ZFPM2: variants seen among roughly 807,000 people sequenced by gnomAD.
ZFPM2 encodes zinc finger protein ZFPM2.
Under a neutral mutation model 98.6 loss-of-function variants are expected in ZFPM2, and 20 were observed. That is an observed-to-expected ratio of 0.20 (90% confidence interval 0.14 to 0.29). The LOEUF is 0.29. ZFPM2 is among the 10% of genes least tolerant of loss of function. ZFPM2 has a pLI of 1.00. For synonymous variants in ZFPM2, 518 were observed against 502.7 expected, an observed-to-expected ratio of 1.03 and a Z score of -0.41; for missense variants, 1,310 against 1,388.6, an observed-to-expected ratio of 0.94 and a Z score of 0.90.
At chr8:105,546,910 A>G (rs1480150602) in intron 3 of ZFPM2, among the ~76,000 whole-genome samples, 1 of 152,178 alleles carries the variant, frequency 6.6e-6, no homozygotes, top group Non-Finnish European at 1.5e-5. Flanking sequence ...AATGTCTCAT[A>G]TATTTTCTCC....
rs563358406 is a variant in ZFPM2 at position 105,444,360 on chromosome 8, A to G, written c.280A>G (p.Thr94Ala). ...GAAACCGGGGCAACCTGGAGTTGAG[A>G]CAGACGACTGGGATGGACCAGGTAG... ...SEKPGQPGVE[T>A]DDWDGPGELE... Residue 94 changes from threonine to alanine, a missense_variant, in exon 3 of 8, where the codon ACA becomes GCA. Thr to Ala is a moderately conservative substitution (Grantham distance 58). Coordinates refer to ENST00000407775, the MANE Select transcript of ZFPM2 (RefSeq NM_012082.4). 3.8e-5 allele frequency: 61 copies of G among 1,612,148 alleles called. No homozygotes were observed. In the South Asian group the frequency reaches 6.2e-4, roughly 16 times the overall value.
At chr8:105,641,505 G>T (rs907037978) in intron 5 of ZFPM2, among the ~76,000 whole-genome samples, 2 of 151,906 alleles carry the variant, frequency 1.3e-5, no homozygotes, top group Non-Finnish European at 2.9e-5. Flanking sequence ...CATTTCTAAG[G>T]GGTTCTTAAG....
intron 5 of ZFPM2, among the ~76,000 whole-genome samples, chr8:105,749,365 T>G (rs1812423922): frequency 1.3e-5 from 2 of 152,188 alleles, no homozygotes; most frequent in South Asian, 4.1e-4. Flanking sequence ...GAGAAAGATT[T>G]CTTTAAATAG....
chr8:105,576,715 A>G (rs1444962709), intron 4 of ZFPM2, among the ~76,000 whole-genome samples: 1 of 152,174 alleles, frequency 6.6e-6, no homozygotes, highest in East Asian at 1.9e-4. Context: ...AGATTTTTAT[A>G]TGGCCATTTA....
At chr8:105,553,136 A>G (rs1217560448) in intron 3 of ZFPM2, among the ~76,000 whole-genome samples, 1 of 152,060 alleles carries the variant, frequency 6.6e-6, no homozygotes, top group African/African-American at 2.4e-5. Flanking sequence ...AAAAACACTT[A>G]GAATTTTCTG....
chr8:105,359,411 TG>T (rs1812814393), intron 1 of ZFPM2, among the ~76,000 whole-genome samples: 1 of 150,124 alleles, frequency 6.7e-6, no homozygotes, highest in Non-Finnish European at 1.5e-5. Flanking sequence ...AGTCTCGCTC[TG>T]TCACCCTGGC....
At chr8:105,533,690 C>G (rs1814347353) in intron 3 of ZFPM2, among the ~76,000 whole-genome samples, 1 of 136,660 alleles carries the variant, frequency 7.3e-6, no homozygotes, top group Admixed American at 7.2e-5. Context: ...TCCCTCCGTC[C>G]TTCCCTCCCT....
intron 4 of ZFPM2, among the ~76,000 whole-genome samples, chr8:105,613,946 C>T (rs1411456801): frequency 1.3e-5 from 2 of 152,042 alleles, no homozygotes; most frequent in Admixed American, 1.3e-4. Context: ...TCCATCTTCA[C>T]CTCTGAAAGC....
intron 4 of ZFPM2, among the ~76,000 whole-genome samples, chr8:105,621,721 G>GA (rs1816551295): frequency 6.6e-6 from 1 of 152,096 alleles, no homozygotes; most frequent in Non-Finnish European, 1.5e-5. Flanking sequence ...TGAACATCTT[G>GA]AAGAAATGTA....
At chr8:105,721,195 G>T (rs185413100) in intron 5 of ZFPM2, among the ~76,000 whole-genome samples, 101 of 151,820 alleles carry the variant, frequency 6.7e-4, no homozygotes, top group African/African-American at 2.2e-3. Flanking sequence ...TCAGCCCTAC[G>T]TATAGACAAA....
intron 5 of ZFPM2, among the ~76,000 whole-genome samples, chr8:105,742,131 T>C (rs1812229980): frequency 1.3e-5 from 2 of 151,488 alleles, no homozygotes; most frequent in South Asian, 2.1e-4. Flanking sequence ...CAAGGCAAGA[T>C]GGATTGGATG....
At position 105,801,601 on chromosome 8, in the gene ZFPM2, A is replaced by G; in HGVS notation, c.1519A>G (p.Ile507Val). 1 of 1,613,770 alleles carries G rather than the reference A, an allele frequency of 6.2e-7. No homozygotes were observed. The highest frequency in any genetic ancestry group is 1.1e-5 in the South Asian group (1 of 91,068). The change falls in exon 8 of 8, where the codon ATC (isoleucine) becomes GTC (valine). Residue 507 changes from isoleucine to valine, a missense_variant. By Grantham distance (29) the Ile-to-Val change is conservative (BLOSUM62 3). Transcript: ENST00000407775. The part of the protein sequence containing the change: ...FLSQFSFPQD[I>V]TMVPQASEIL... ...ATCTCAGTTTTCTTTCCCCCAAGAT[A>G]TCACCATGGTCCCTCAAGCTTCAGA...
At chr8:105,434,397 A>G (rs1812080889) in intron 2 of ZFPM2, among the ~76,000 whole-genome samples, 1 of 152,182 alleles carries the variant, frequency 6.6e-6, no homozygotes, top group Non-Finnish European at 1.5e-5. Context: ...CTGAATCTTA[A>G]ACTTTAATGT....
chr8:105,737,544 A>G (rs148546762), intron 5 of ZFPM2: 1 of 152,394 alleles, frequency 6.6e-6, no homozygotes, highest in Non-Finnish European at 1.5e-5. Context: ...GGGTGGAGGC[A>G]AAAGGTATCA....
chr8:105,706,077 C>T (rs1811252821), intron 5 of ZFPM2, among the ~76,000 whole-genome samples: 1 of 151,944 alleles, frequency 6.6e-6, no homozygotes, highest in Non-Finnish European at 1.5e-5. Context: ...TATTTATCCC[C>T]ATTTTATTGA....
intron 5 of ZFPM2, among the ~76,000 whole-genome samples, chr8:105,773,088 A>G (rs914831766): frequency 6.6e-6 from 1 of 152,176 alleles, no homozygotes; most frequent in Admixed American, 6.6e-5. Flanking sequence ...AATAAAGCCC[A>G]CATTCTCTTT....
At chr8:105,493,743 G>T (rs2622637) in intron 3 of ZFPM2, among the ~76,000 whole-genome samples, 56,627 of 151,888 alleles carry the variant, frequency 0.37, 10,968 homozygotes, top group East Asian at 0.51. Flanking sequence ...CAGTTAATCT[G>T]TCCACTGACA....
rs200840311 is a variant in ZFPM2 at position 105,802,769 on chromosome 8, C to T, written c.2687C>T (p.Pro896Leu). The change falls in exon 8 of 8, where the codon CCG (proline) becomes CTG (leucine). Residue 896 changes from proline to leucine, a missense_variant. Coordinates refer to ENST00000407775, the MANE Select transcript of ZFPM2 (RefSeq NM_012082.4). ...GGTCAACTGGACGGCAAAGTGTTTC[C>T]GAATCCAGAAAGCGAACGAAACAGC... ...DLGQLDGKVF[P>L]NPESERNSPD... 27 of 1,613,428 alleles carry T rather than the reference C, an allele frequency of 1.7e-5. No individual in the cohort carries two copies. In the African/African-American group the frequency reaches 2.5e-4, roughly 15 times the overall value.
At chr8:105,442,471 T>C (rs1441940005) in intron 2 of ZFPM2, among the ~76,000 whole-genome samples, 1 of 152,242 alleles carries the variant, frequency 6.6e-6, no homozygotes, top group African/African-American at 2.4e-5. Flanking sequence ...TCTGTAAATA[T>C]CATCCTGCAC....
Sources: allele counts gnomAD v4.1 joint callset (sites outside exome capture counted in the v4.1 genomes callset), GRCh38; gene constraint gnomAD v4.1.1; transcripts MANE v1.5; gene names NCBI Gene and HGNC (gene_info 2026-07-23, HGNC 2026-07-21).